Variants in HS6ST3 observed in about 807,000 individuals in gnomAD.
HS6ST3 encodes heparan-sulfate 6-O-sulfotransferase 3.
HS6ST3 carries 12 observed loss-of-function variants against 36.7 expected under a neutral mutation model. That is an observed-to-expected ratio of 0.33 (90% confidence interval 0.21 to 0.53). The LOEUF (loss-of-function observed/expected upper bound fraction) is 0.53. Among genes scored for constraint, HS6ST3 ranks in the 20% least tolerant of loss-of-function variants. The pLI is 0.95. For synonymous variants in HS6ST3, 240 were observed against 257.5 expected (o/e 0.93, Z 0.65); for missense variants, 584 against 640.9 (o/e 0.91, Z 0.96).
At chr13:96,180,967 G>A (rs1472268691) in intron 1 of HS6ST3, among the ~76,000 whole-genome samples, 1 of 152,100 alleles carries the variant, frequency 6.6e-6, no homozygotes, top group Admixed American at 6.6e-5. Flanking sequence ...ATGGAGTTAT[G>A]GAGAGTTAAT....
At chr13:96,481,739 A>G (rs2055891008) in intron 1 of HS6ST3, among the ~76,000 whole-genome samples, 1 of 152,072 alleles carries the variant, frequency 6.6e-6, no homozygotes, top group South Asian at 2.1e-4. Context: ...AAAAAGAAGG[A>G]GCAGGGTGGT....
chr13:96,634,607 T>C (rs187269617), intron 1 of HS6ST3, among the ~76,000 whole-genome samples: 1 of 152,220 alleles, frequency 6.6e-6, no homozygotes, highest in East Asian at 1.9e-4. Context: ...TAGCTATTAC[T>C]CTACATTGGC....
At chr13:96,252,819 A>T (rs1055479565) in intron 1 of HS6ST3, among the ~76,000 whole-genome samples, 2 of 151,502 alleles carry the variant, frequency 1.3e-5, no homozygotes, top group Non-Finnish European at 2.9e-5. Context: ...GTGGCACCCC[A>T]CCCCCAACTC....
At chr13:96,238,069 A>C (rs1174211937) in intron 1 of HS6ST3, among the ~76,000 whole-genome samples, 2 of 152,142 alleles carry the variant, frequency 1.3e-5, no homozygotes, top group Non-Finnish European at 2.9e-5. Flanking sequence ...CCAAAGTGGC[A>C]CCTTGAATTC....
At chr13:96,096,395 G>A (rs1029454059) in intron 1 of HS6ST3, among the ~76,000 whole-genome samples, 1 of 152,220 alleles carries the variant, frequency 6.6e-6, no homozygotes, top group South Asian at 2.1e-4. Context: ...TACTGATGTT[G>A]TAAAAGGAAT....
At chr13:96,613,451 C>G (rs1337952149) in intron 1 of HS6ST3, among the ~76,000 whole-genome samples, 2 of 152,166 alleles carry the variant, frequency 1.3e-5, no homozygotes, top group African/African-American at 2.4e-5. Flanking sequence ...AACAGGGACT[C>G]AGTTTCGTTC....
chr13:96,163,084 A>G (rs2054143591), intron 1 of HS6ST3, among the ~76,000 whole-genome samples: 1 of 152,148 alleles, frequency 6.6e-6, no homozygotes, highest in Non-Finnish European at 1.5e-5. Flanking sequence ...TTCTTAAGAA[A>G]GGAGGGAAGT....
At chr13:96,684,495 C>T (rs1204902640) in intron 1 of HS6ST3, among the ~76,000 whole-genome samples, 2 of 152,054 alleles carry the variant, frequency 1.3e-5, no homozygotes, top group Non-Finnish European at 2.9e-5. Flanking sequence ...ATTTTAGAGG[C>T]TTCTCCGAAA....
At chr13:96,129,723 T>C (rs995950284) in intron 1 of HS6ST3, among the ~76,000 whole-genome samples, 1 of 152,124 alleles carries the variant, frequency 6.6e-6, no homozygotes, top group African/African-American at 2.4e-5. Flanking sequence ...GAAGACAGAG[T>C]CTTTACCAAG....
chr13:96,754,873 A>T lies in HS6ST3; in HGVS notation c.708-77617A>T, dbSNP rs947112522. 5.1e-4 allele frequency among the ~76,000 whole-genome samples: 77 copies of T among 152,232 alleles called. 1 individual carries two copies. Among genetic ancestry groups the T allele is most frequent in the African/African-American group, 1.8e-3 (76 of 41,560 alleles). ...ATATAATATCAATATTACATATTACATTATAGGTGTAACGTACATATATAT... is the reference window on the plus strand; with the variant it reads ...ATATAATATCAATATTACATATTACTTTATAGGTGTAACGTACATATATAT... On this transcript the variant is annotated intron_variant, in intron 1 of 1. Coordinates refer to ENST00000376705, the MANE Select transcript of HS6ST3 (RefSeq NM_153456.4).
chr13:96,123,805 A>T (rs1566887750), intron 1 of HS6ST3, among the ~76,000 whole-genome samples: 1 of 152,184 alleles, frequency 6.6e-6, no homozygotes, highest in African/African-American at 2.4e-5. Flanking sequence ...TTTATAACTC[A>T]TCTATACCTT....
intron 1 of HS6ST3, among the ~76,000 whole-genome samples, chr13:96,637,688 G>A (rs2056554597): frequency 6.6e-6 from 1 of 152,094 alleles, no homozygotes; most frequent in Non-Finnish European, 1.5e-5. Flanking sequence ...GAATTTATTA[G>A]ATGCTGTATA....
intron 1 of HS6ST3, among the ~76,000 whole-genome samples, chr13:96,200,756 G>T (rs1246283585): frequency 1.3e-5 from 2 of 152,150 alleles, no homozygotes; most frequent in African/African-American, 4.8e-5. Context: ...CTTTTGAGTG[G>T]ATGGCTACAG....
chr13:96,274,394 A>G (rs927878337), intron 1 of HS6ST3, among the ~76,000 whole-genome samples: 2 of 152,036 alleles, frequency 1.3e-5, no homozygotes, highest in East Asian at 1.9e-4. Context: ...TAGGAGCTGC[A>G]TTAGACTAGG....
chr13:96,145,577 CA>C (rs2054053996), intron 1 of HS6ST3, among the ~76,000 whole-genome samples: 1 of 151,972 alleles, frequency 6.6e-6, no homozygotes, highest in South Asian at 2.1e-4. Flanking sequence ...GAGTAGGTTG[CA>C]AAAATTTTCT....
chr13:96,771,237 C>A (rs1415430053), intron 1 of HS6ST3, among the ~76,000 whole-genome samples: 2 of 127,572 alleles, frequency 1.6e-5, no homozygotes, highest in African/African-American at 3.1e-5. Context: ...CACTTGGACA[C>A]AGGAAGGGGA....
intron 1 of HS6ST3, among the ~76,000 whole-genome samples, chr13:96,288,373 A>C (rs763873804): frequency 6.6e-5 from 10 of 152,058 alleles, no homozygotes; most frequent in Non-Finnish European, 1.3e-4. Flanking sequence ...TGGTTTTTTA[A>C]AATTTGTATT....
At chr13:96,402,595 A>G (rs1273100048) in intron 1 of HS6ST3, among the ~76,000 whole-genome samples, 1 of 152,218 alleles carries the variant, frequency 6.6e-6, no homozygotes, top group African/African-American at 2.4e-5. Flanking sequence ...GTCCCCAGAG[A>G]AAACCATTTT....
intron 1 of HS6ST3, among the ~76,000 whole-genome samples, chr13:96,154,452 C>T (rs2054101157): frequency 6.6e-6 from 1 of 152,064 alleles, no homozygotes; most frequent in African/African-American, 2.4e-5. Context: ...TGAAGTGTTT[C>T]TACAATATTT....
Sources: gnomAD v4.1 joint callset for allele counts (sites outside exome capture counted in the v4.1 genomes callset) on GRCh38, gnomAD v4.1.1 for gene constraint, MANE v1.5 for transcripts, NCBI Gene and HGNC (gene_info 2026-07-23, HGNC 2026-07-21) for gene names.